SPATS2L: variants seen among roughly 807,000 people sequenced by gnomAD.
SPATS2L encodes SPATS2-like protein.
SPATS2L carries 30 observed loss-of-function variants against 59.6 expected under a neutral mutation model. That is an observed-to-expected ratio of 0.50 (90% confidence interval 0.38 to 0.68). The LOEUF (loss-of-function observed/expected upper bound fraction) is 0.68. Ranked by LOEUF, SPATS2L falls within the 30% of genes least tolerant of loss-of-function variation. The pLI is 0.00. For missense variants in SPATS2L, 615 were observed against 700.0 expected, an observed-to-expected ratio of 0.88 and a Z score of 1.37; for synonymous variants, 252 against 263.5, an observed-to-expected ratio of 0.96 and a Z score of 0.42.
intron 2 of SPATS2L, among the ~76,000 whole-genome samples, chr2:200,344,947 A>G (rs1172880292): frequency 6.6e-6 from 1 of 152,024 alleles, no homozygotes; most frequent in African/African-American, 2.4e-5. Flanking sequence ...TTTAAGTTCC[A>G]TAGAGATGCT....
intron 1 of SPATS2L, among the ~76,000 whole-genome samples, chr2:200,322,758 T>C (rs2079606196): frequency 6.6e-6 from 1 of 152,236 alleles, no homozygotes; most frequent in Non-Finnish European, 1.5e-5. Context: ...AAGTTGTCTT[T>C]TGATAGGGTA....
At chr2:200,331,074 C>T (rs1034747788) in intron 2 of SPATS2L, among the ~76,000 whole-genome samples, 2 of 152,144 alleles carry the variant, frequency 1.3e-5, no homozygotes, top group Non-Finnish European at 2.9e-5. Context: ...AATGATTTCC[C>T]CCTCAGCATA....
chr2:200,353,605 A>G (rs540841877), intron 2 of SPATS2L, among the ~76,000 whole-genome samples: 2 of 152,240 alleles, frequency 1.3e-5, no homozygotes, highest in South Asian at 4.2e-4. Context: ...CAAACTTTGA[A>G]TCTAACCACC....
intron 4 of SPATS2L, among the ~76,000 whole-genome samples, chr2:200,415,554 G>T (rs1252064355): frequency 6.6e-6 from 1 of 152,028 alleles, no homozygotes; most frequent in Non-Finnish European, 1.5e-5. Flanking sequence ...ACTTGTTATT[G>T]AAACCACCTT....
intron 2 of SPATS2L, among the ~76,000 whole-genome samples, chr2:200,369,856 C>T (rs547407415): frequency 3.6e-4 from 55 of 151,706 alleles, no homozygotes; most frequent in Non-Finnish European, 5.3e-4. Context: ...GTTTTAGTTT[C>T]GTAAAGAAAA....
chr2:200,345,900 G>A (rs996918153), intron 2 of SPATS2L, among the ~76,000 whole-genome samples: 2 of 152,126 alleles, frequency 1.3e-5, no homozygotes, highest in Non-Finnish European at 1.5e-5. Flanking sequence ...AGCCGTAGGT[G>A]GGAAGCAGTT....
rs2079029138 is a variant in SPATS2L at position 200,306,815 on chromosome 2, C to T, written c.-180C>T. 1 of 980,900 alleles carries T rather than the reference C, an allele frequency of 1.0e-6. No individual in the cohort carries two copies. The highest frequency in any genetic ancestry group is 1.8e-5 in the African/African-American group (1 of 56,908). The allele number at this position is 980,900 out of a possible 1,614,324, so 60.8% of individuals were successfully genotyped here. A position where few individuals can be genotyped will look rare whatever the true frequency, so the allele number is the denominator to read the frequency against. The stretch of plus-strand genomic sequence containing the variant: ...CCCAGGCAGCGGCTCCCGCTCGGCC[C>T]GCCCTCCGAGCCGCAGGGGCCGCCA... On this transcript the variant is annotated 5_prime_UTR_variant, in exon 1 of 13. Transcript: ENST00000409140.
At chr2:200,445,763 GGT>G (rs1491196791) in intron 8 of SPATS2L, among the ~76,000 whole-genome samples, 1 of 35,596 alleles carries the variant, frequency 2.8e-5, no homozygotes, top group East Asian at 5.6e-4. Flanking sequence ...CATGTTGATT[GGT>G]TTTTTTTTTC....
At chr2:200,432,232 G>A (rs2083980348) in intron 6 of SPATS2L, among the ~76,000 whole-genome samples, 1 of 152,194 alleles carries the variant, frequency 6.6e-6, no homozygotes, top group Non-Finnish European at 1.5e-5. Flanking sequence ...AGATGCTGCA[G>A]CATAGAATAC....
chr2:200,323,117 A>G (rs1180176251), intron 1 of SPATS2L, among the ~76,000 whole-genome samples: 3 of 152,244 alleles, frequency 2.0e-5, no homozygotes, highest in Admixed American at 6.5e-5. Flanking sequence ...TGAACTTACT[A>G]TGCAACTAGT....
intron 1 of SPATS2L, among the ~76,000 whole-genome samples, chr2:200,307,763 T>A (rs1437986922): frequency 6.6e-6 from 1 of 152,242 alleles, no homozygotes; most frequent in Non-Finnish European, 1.5e-5. Context: ...GGTTTCGTGT[T>A]CCCGCGGGGT....
chr2:200,470,643 C>T (rs569823229), intron 11 of SPATS2L, among the ~76,000 whole-genome samples: 2 of 152,276 alleles, frequency 1.3e-5, no homozygotes, highest in South Asian at 4.1e-4. Context: ...GCTTTAAGGA[C>T]GGCCACAAGG....
intron 8 of SPATS2L, among the ~76,000 whole-genome samples, chr2:200,443,651 A>C (rs1384160076): frequency 6.6e-6 from 1 of 152,204 alleles, no homozygotes; most frequent in Non-Finnish European, 1.5e-5. Context: ...GTAGTTGAGA[A>C]CTAGAAACTC....
chr2:200,481,749 C>G lies in SPATS2L; in HGVS notation c.*3718C>G, dbSNP rs1361930601. The G allele has an allele frequency of 1.3e-5, 2 of 152,270 alleles. No homozygotes were observed. The highest frequency in any genetic ancestry group is 2.9e-5 in the Non-Finnish European group (2 of 68,090). The allele number at this position is 152,270 out of a possible 1,614,324, so 9.4% of individuals were successfully genotyped here. ...AGGCTGGAGTGCAGTGGCGCGGTCT[C>G]GGCTCACTGCAAGCTCCGCCTCCCG... On this transcript the variant is annotated 3_prime_UTR_variant, in exon 13 of 13. Coordinates refer to ENST00000409140, the MANE Select transcript of SPATS2L (RefSeq NM_001100423.2).
chr2:200,388,704 AAAAAG>A (rs916637889), intron 2 of SPATS2L, among the ~76,000 whole-genome samples: 2 of 151,978 alleles, frequency 1.3e-5, no homozygotes, highest in Non-Finnish European at 2.9e-5. Flanking sequence ...TTGAAAAAAA[AAAAAG>A]AAAAGAAGTT....
chr2:200,307,721 T>A (rs1241474441), intron 1 of SPATS2L, among the ~76,000 whole-genome samples: 1 of 152,224 alleles, frequency 6.6e-6, no homozygotes, highest in Non-Finnish European at 1.5e-5. Context: ...TGCGCGGGGA[T>A]GCGGCGGAAG....
chr2:200,409,867 TGAA>T (rs2082814674), intron 3 of SPATS2L, among the ~76,000 whole-genome samples: 1 of 152,202 alleles, frequency 6.6e-6, no homozygotes, highest in Non-Finnish European at 1.5e-5. Flanking sequence ...TTTTTTCTTT[TGAA>T]GAAGGATAGG....
intron 8 of SPATS2L, among the ~76,000 whole-genome samples, chr2:200,453,889 G>T (rs2085646455): frequency 6.6e-6 from 1 of 152,132 alleles, no homozygotes; most frequent in Non-Finnish European, 1.5e-5. Context: ...TTTGGTAGAG[G>T]CCAGGAAGGC....
intron 8 of SPATS2L, among the ~76,000 whole-genome samples, chr2:200,448,589 T>G (rs1210920963): frequency 6.6e-6 from 1 of 152,238 alleles, no homozygotes. Context: ...TCTATCTCTT[T>G]CTGCTCTGGA....
Sources: allele counts gnomAD v4.1 joint callset (sites outside exome capture counted in the v4.1 genomes callset), GRCh38; gene constraint gnomAD v4.1.1; transcripts MANE v1.5; gene names NCBI Gene and HGNC (gene_info 2026-07-23, HGNC 2026-07-21).